USP33: variants seen among roughly 807,000 people sequenced by gnomAD.
USP33 encodes the protein ubiquitin specific peptidase 33, also known as ubiquitin carboxyl-terminal hydrolase 33.
USP33 carries 46 observed loss-of-function variants against 124.2 expected under a neutral mutation model. The ratio of observed to expected loss-of-function variants is 0.37; its 90% confidence interval spans 0.29 to 0.47. The LOEUF is 0.47. Ranked by LOEUF, USP33 falls within the 20% of genes least tolerant of loss-of-function variation. The pLI, the probability that USP33 is intolerant of heterozygous loss-of-function variation, is 0.99. For synonymous variants in USP33, 350 were observed against 352.3 expected (o/e 0.99, Z 0.07); for missense variants, 851 against 1,070.6 (o/e 0.79, Z 2.86).
intron 20 of USP33, 106 bp from the exon 21 acceptor site, chr1:77,711,961 C>A: frequency 8.9e-7 from 1 of 1,121,032 alleles, no homozygotes; most frequent in South Asian, 1.6e-5. Context: ...ATAAAATTCT[C>A]AAAGTAATAT....
At chr1:77,713,383 C>T in intron 19 of USP33, 102 bp from the exon 20 acceptor site, 1 of 982,294 alleles carries the variant, frequency 1.0e-6, no homozygotes, top group Non-Finnish European at 1.5e-6. Flanking sequence ...ACAGATCAAT[C>T]ATCATTGTTT....
chr1:77,742,667 A>G (rs1179712026), intron 1 of USP33, among the ~76,000 whole-genome samples: 1 of 152,268 alleles, frequency 6.6e-6, no homozygotes, highest in East Asian at 1.9e-4. Flanking sequence ...GTACCTTTTT[A>G]ATAACAGGGC....
intron 1 of USP33, 84 bp downstream of exon 1, chr1:77,759,559 G>T (rs552784604): frequency 1.8e-5 from 7 of 398,102 alleles, no homozygotes; most frequent in African/African-American, 1.2e-4. Flanking sequence ...ACCCCAGCGC[G>T]CGGAAGCGAG....
rs1021880366 is a variant in USP33, at chr1:77,715,600, C to G, written c.2045+142G>C. On this transcript the variant is annotated intron_variant, in intron 18 of 23. Coordinates refer to ENST00000370794, the MANE Select transcript of USP33 (RefSeq NM_201624.3). ...CAAAGAATCATTCTACATATACAGC[C>G]TTTCACTGTATTTTACTGTAATGAA... 4 of 904,074 alleles carry G rather than the reference C, an allele frequency of 4.4e-6. No individual in the cohort carries two copies. In the Admixed American group the frequency reaches 1.1e-4, roughly 26 times the overall value. The allele number at this position is 904,074 out of a possible 1,614,324, so 56.0% of individuals were successfully genotyped here.
In USP33 at chr1:77,734,488, A is replaced by G. The variant is rs900873097; in HGVS notation, c.455-72T>C. 2.3e-5 allele frequency: 21 copies of G among 894,200 alleles called. No individual in the cohort carries two copies. In the African/African-American group the frequency reaches 3.4e-4, roughly 14 times the overall value. 55.4% of individuals were successfully genotyped at this position (894,200 alleles called of 1,614,324 possible). A position where few individuals can be genotyped will look rare whatever the true frequency, so the allele number is the denominator to read the frequency against. The stretch of plus-strand genomic sequence containing the variant: ...TGACTCAATTTTAGGGGTCATTAAT[A>G]TGGTTCCCAAATTACATTAAGGACC... On this transcript the variant is annotated intron_variant, in intron 6 of 23. Transcript: ENST00000370794.
chr1:77,720,738 G>A (rs965901905), intron 15 of USP33, among the ~76,000 whole-genome samples: 4 of 152,158 alleles, frequency 2.6e-5, no homozygotes, highest in Non-Finnish European at 5.9e-5. Flanking sequence ...GCTGGTAGTA[G>A]ATGTAAACAA....
chr1:77,732,405 T>G (rs1349013717), intron 7 of USP33, among the ~76,000 whole-genome samples: 2 of 152,178 alleles, frequency 1.3e-5, no homozygotes, highest in East Asian at 3.8e-4. Context: ...CTTGCCTAAA[T>G]CATTATCATA....
chr1:77,722,260 G>T, intron 12 of USP33, 64 bp from the exon 13 acceptor site: 1 of 1,352,910 alleles, frequency 7.4e-7, no homozygotes. Flanking sequence ...TCCAAGGTTA[G>T]ATTTTAGACT....
chr1:77,750,682 A>G (rs139848859), intron 1 of USP33, among the ~76,000 whole-genome samples: 1 of 150,360 alleles, frequency 6.7e-6, no homozygotes, highest in East Asian at 1.9e-4. Context: ...GAAAGAAAGA[A>G]AGAAAAAGGA....
intron 1 of USP33, among the ~76,000 whole-genome samples, chr1:77,752,861 T>C (rs993950659): frequency 5.3e-5 from 8 of 152,062 alleles, no homozygotes; most frequent in Admixed American, 4.6e-4. Flanking sequence ...GTGGATCACC[T>C]GAGGTCAGGA....
At chr1:77,736,455 A>G (rs1678462937) in intron 5 of USP33, among the ~76,000 whole-genome samples, 1 of 152,236 alleles carries the variant, frequency 6.6e-6, no homozygotes, top group Admixed American at 6.5e-5. Flanking sequence ...ATTATGTGAC[A>G]GTAAACCATA....
intron 7 of USP33, among the ~76,000 whole-genome samples, chr1:77,732,087 G>A (rs1677885351): frequency 1.4e-5 from 2 of 147,520 alleles, no homozygotes; most frequent in African/African-American, 5.1e-5. Flanking sequence ...CTGGGTGACA[G>A]AGTAAGACCC....
At chr1:77,742,396 A>T (rs1055306881) in intron 1 of USP33, among the ~76,000 whole-genome samples, 8 of 152,192 alleles carry the variant, frequency 5.3e-5, no homozygotes, top group African/African-American at 1.9e-4. Flanking sequence ...CAGACAGACC[A>T]TCCCTGCCAC....
At chr1:77,708,495 G>T (rs1299319792) in intron 21 of USP33, among the ~76,000 whole-genome samples, 1 of 152,134 alleles carries the variant, frequency 6.6e-6, no homozygotes, top group African/African-American at 2.4e-5. Context: ...AATTCACTTG[G>T]GTCCTGATAG....
At position 77,736,164 on chromosome 1, in the gene USP33, T is replaced by G; in HGVS notation, c.352-6A>C. On this transcript the variant is annotated splice_region_variant and splice_polypyrimidine_tract_variant and intron_variant, in intron 5 of 23. Coordinates refer to ENST00000370794, the MANE Select transcript of USP33 (RefSeq NM_201624.3). ...TTACTGGGTATTTTAAAATCCTTGA[T>G]AACAAAAAAAGATAGCACACTTGAA... 6.3e-7 allele frequency: 1 copy of G among 1,590,958 alleles called. No homozygotes were observed. Among genetic ancestry groups the G allele is most frequent in the Non-Finnish European group, 8.6e-7 (1 of 1,165,154 alleles).
rs1673500133 is a variant in USP33, at chr1:77,697,190, G to T, written c.*127C>A. The stretch of plus-strand genomic sequence containing the variant: ...ATTCTTCCATAATGCCCACTAAGAA[G>T]AAATAAATGGGATAAATGATGAAAA... On this transcript the variant is annotated 3_prime_UTR_variant, in exon 24 of 24. Transcript: ENST00000370794. 3.3e-6 allele frequency: 3 copies of T among 912,016 alleles called. No homozygotes were observed. In the South Asian group the frequency reaches 7.1e-5, roughly 21 times the overall value. The allele number at this position is 912,016 out of a possible 1,614,324, so 56.5% of individuals were successfully genotyped here.
Position 77,759,648 on chromosome 1 carries a change from C to T in USP33, c.-57G>A. 2.5e-6 allele frequency: 1 copy of T among 399,276 alleles called. No individual in the cohort carries two copies. The highest frequency in any genetic ancestry group is 1.3e-4 in the South Asian group (1 of 7,882). The allele number at this position is 399,276 out of a possible 1,614,324, so 24.7% of individuals were successfully genotyped here. A position where few individuals can be genotyped will look rare whatever the true frequency, so the allele number is the denominator to read the frequency against. On this transcript the variant is annotated 5_prime_UTR_variant, in exon 1 of 24. In the 5' UTR this introduces an upstream ATG that the reference lacks. Transcript: ENST00000370794. ...CCCAGCAGCGCCGCGCTCACCTCCACGGCCTGGCCCGCGGGACCCGCCAGC... is the reference window on the plus strand; with the variant it reads ...CCCAGCAGCGCCGCGCTCACCTCCATGGCCTGGCCCGCGGGACCCGCCAGC...
At chr1:77,723,716 T>C (rs1005095189) in intron 11 of USP33, among the ~76,000 whole-genome samples, 1 of 152,108 alleles carries the variant, frequency 6.6e-6, no homozygotes. Flanking sequence ...CACACTGGAG[T>C]GCAGTGGTGC....
chr1:77,722,366 AAAAC>A, intron 12 of USP33, 170 bp from the exon 13 acceptor site: 6 of 621,114 alleles, frequency 9.7e-6, no homozygotes, highest in Non-Finnish European at 1.3e-5. Context: ...AGCAAAAAAA[AAAAC>A]AAAAACAAAA....
Sources: gnomAD v4.1 joint callset for allele counts (sites outside exome capture counted in the v4.1 genomes callset) on GRCh38, gnomAD v4.1.1 for gene constraint, MANE v1.5 for transcripts, NCBI Gene and HGNC (gene_info 2026-07-23, HGNC 2026-07-21) for gene names.